XPOT: variants seen among roughly 807,000 people sequenced by gnomAD.
XPOT encodes exportin for tRNA.
Under a neutral mutation model 128.2 loss-of-function variants are expected in XPOT, and 34 were observed. That is an observed-to-expected ratio of 0.27 (90% confidence interval 0.20 to 0.35). The LOEUF (loss-of-function observed/expected upper bound fraction) is 0.35, where lower values mean the gene tolerates loss of function less well. Ranked by LOEUF, XPOT falls within the 10% of genes least tolerant of loss-of-function variation. XPOT has a pLI of 1.00. For missense variants in XPOT, 838 were observed against 1,125.3 expected, an observed-to-expected ratio of 0.74 and a Z score of 3.65; for synonymous variants, 348 against 394.3, an observed-to-expected ratio of 0.88 and a Z score of 1.39.
At chr12:64,432,773 A>G (rs1294242241) in intron 18 of XPOT, among the ~76,000 whole-genome samples, 1 of 152,236 alleles carries the variant, frequency 6.6e-6, no homozygotes, top group African/African-American at 2.4e-5. Context: ...CAAAAACAAG[A>G]AAAACCCTAA....
At chr12:64,410,712 A>G (rs1290706937) in intron 2 of XPOT, among the ~76,000 whole-genome samples, 1 of 152,246 alleles carries the variant, frequency 6.6e-6, no homozygotes, top group Non-Finnish European at 1.5e-5. Flanking sequence ...AAATGGTTAC[A>G]TGACAAGAAT....
rs959753127 is a variant in XPOT at position 64,404,762 on chromosome 12, A to C, written c.-117A>C. 7.9e-5 allele frequency: 12 copies of C among 152,272 alleles called. No individual in the cohort carries two copies. The highest frequency in any genetic ancestry group is 2.9e-4 in the African/African-American group (12 of 41,432). The allele number at this position is 152,272 out of a possible 1,614,324, so 9.4% of individuals were successfully genotyped here. A position where few individuals can be genotyped will look rare whatever the true frequency, so the allele number is the denominator to read the frequency against. On this transcript the variant is annotated 5_prime_UTR_variant, in exon 1 of 25. Transcript: ENST00000332707. ...CGCCGCTCCGCTCCGCTGGCTGACC[A>C]TCTGGAGTGCAGGCTGGGAGGCGGG...
chr12:64,419,492 AT>A (rs1222008307), intron 6 of XPOT, among the ~76,000 whole-genome samples: 7 of 151,938 alleles, frequency 4.6e-5, no homozygotes, highest in African/African-American at 1.4e-4. Context: ...TAATTTTTGT[AT>A]TTTTTGTAGA....
At chr12:64,425,484 T>G (rs2040183871) in intron 14 of XPOT, 27 bp downstream of exon 14, 1 of 1,610,606 alleles carries the variant, frequency 6.2e-7, no homozygotes, top group Non-Finnish European at 8.5e-7. Flanking sequence ...TTTGTTACTT[T>G]CCATGGGTTT....
chr12:64,425,503 G>T, intron 14 of XPOT, 46 bp downstream of exon 14: 3 of 1,603,262 alleles, frequency 1.9e-6, no homozygotes, highest in South Asian at 1.1e-5. Context: ...TTCAGCTAAT[G>T]ACTTGATAGT....
At chr12:64,435,428 T>G (rs182996149) in intron 21 of XPOT, among the ~76,000 whole-genome samples, 199 bp from the exon 22 acceptor site, 1,577 of 152,064 alleles carry the variant, frequency 0.01, 22 homozygotes, top group Non-Finnish European at 0.017. Context: ...TATTTTTCTG[T>G]TTTTTTTCTT....
At chr12:64,418,782 AT>A in intron 5 of XPOT, 93 bp from the exon 6 acceptor site, 1 of 1,056,066 alleles carries the variant, frequency 9.5e-7, no homozygotes, top group Non-Finnish European at 1.4e-6. Context: ...CCATGTTGAC[AT>A]TTGATGAAAC....
chr12:64,413,676 A>G (rs1250868422), intron 2 of XPOT, among the ~76,000 whole-genome samples: 1 of 152,254 alleles, frequency 6.6e-6, no homozygotes, highest in Non-Finnish European at 1.5e-5. Flanking sequence ...ATAGGAAACT[A>G]TCACCTAAAT....
Position 64,418,081 on chromosome 12 carries a change from T to C in XPOT, c.236T>C (p.Ile79Thr). The change falls in exon 5 of 25, where the codon ATT becomes ACT. Residue 79 changes from isoleucine (I) to threonine (T), a missense_variant. By Grantham distance (89) the Ile-to-Thr change is moderately conservative (BLOSUM62 -1). Transcript: ENST00000332707. ...SELTTVQQQL[I>T]RETLISWLQA... Reference sequence around the variant, plus strand: ...CTAACCACTGTTCAACAACAGCTAATTAGGGAGACGCTCATATCATGGCTG... The same window carrying C: ...CTAACCACTGTTCAACAACAGCTAACTAGGGAGACGCTCATATCATGGCTG... 1 of 1,613,616 alleles carries C rather than the reference T, an allele frequency of 6.2e-7. No individual in the cohort carries two copies. Among genetic ancestry groups the C allele is most frequent in the Non-Finnish European group, 8.5e-7 (1 of 1,179,776 alleles).
chr12:64,436,104 C>T (rs1198156082), intron 22 of XPOT, among the ~76,000 whole-genome samples: 2 of 151,872 alleles, frequency 1.3e-5, no homozygotes, highest in Admixed American at 6.6e-5. Flanking sequence ...TTACAGGCAC[C>T]CGCCACCATG....
intron 9 of XPOT, among the ~76,000 whole-genome samples, 172 bp from the exon 10 acceptor site, chr12:64,422,833 T>A (rs2040151498): frequency 6.8e-6 from 1 of 146,400 alleles, no homozygotes; most frequent in Admixed American, 7.0e-5. Flanking sequence ...AGCCAGGGAG[T>A]TGGGGGTTGC....
chr12:64,417,439 T>C (rs779517271), intron 4 of XPOT, among the ~76,000 whole-genome samples: 3 of 149,868 alleles, frequency 2.0e-5, no homozygotes, highest in Non-Finnish European at 4.4e-5. Flanking sequence ...TCCCAGCTAC[T>C]GGGGAAGCTG....
rs920333691 is a variant in XPOT, at chr12:64,424,608, G to A, written c.1192G>A (p.Glu398Lys). ...EYNFENEGEDEAMFVEYRKQL... is the reference protein window; with the variant it reads ...EYNFENEGEDKAMFVEYRKQL... The stretch of plus-strand genomic sequence containing the variant: ...TTAACCTGTATCATAGGGTGAAGAT[G>A]AAGCCATGTTTGTAGAATATAGAAA... Residue 398 changes from glutamate (E) to lysine (K), a missense_variant, in exon 12 of 25, where the codon GAA becomes AAA. Around this residue, in one of 3 missense-constraint regions of XPOT, gnomAD observed 761 missense variants for 988.3 expected, o/e 0.77. Transcript: ENST00000332707. 6.2e-7 allele frequency: 1 copy of A among 1,611,790 alleles called. No individual in the cohort carries two copies.
chr12:64,433,931 G>C (rs1255283389), intron 19 of XPOT, among the ~76,000 whole-genome samples: 1 of 152,114 alleles, frequency 6.6e-6, no homozygotes, highest in Non-Finnish European at 1.5e-5. Flanking sequence ...AAATGGAGCT[G>C]TACAGATTTG....
intron 17 of XPOT, among the ~76,000 whole-genome samples, chr12:64,430,866 C>T (rs2040232749): frequency 1.3e-5 from 2 of 152,298 alleles, no homozygotes; most frequent in South Asian, 4.1e-4. Context: ...TTACCTAGTA[C>T]AGGCCTAGTC....
intron 19 of XPOT, among the ~76,000 whole-genome samples, chr12:64,434,084 C>T (rs575399108): frequency 2.6e-5 from 4 of 152,210 alleles, no homozygotes; most frequent in South Asian, 4.1e-4. Context: ...GGTGTCATCA[C>T]GACTCATTGC....
Position 64,420,492 on chromosome 12 carries a change from C to G in XPOT, c.814C>G (p.Gln272Glu). The G allele has an allele frequency of 6.2e-7, 1 of 1,613,002 alleles. No individual in the cohort carries two copies. The highest frequency in any genetic ancestry group is 8.5e-7 in the Non-Finnish European group (1 of 1,179,622). ...AGTGGAATCTTTGTGTCAAGTATTA[C>G]AGTCTGCTGGGTTTTTCAGCATTGA... ...KLVESLCQVLQSAGFFSIDQE... is the reference protein window; with the variant it reads ...KLVESLCQVLESAGFFSIDQE... The change falls in exon 8 of 25, where the codon CAG (glutamine) becomes GAG (glutamate). Residue 272 changes from glutamine to glutamate, a missense_variant. This residue lies in a region of XPOT where 761 missense variants were observed against 988.3 expected (regional missense o/e 0.77). Transcript: ENST00000332707.
Position 64,423,581 on chromosome 12 carries a change from G to C in XPOT, c.1182+337G>C, listed in dbSNP as rs936374837. Among the ~76,000 whole-genome samples, 14 of 152,050 alleles carry C rather than the reference G, an allele frequency of 9.2e-5. 1 individual carries two copies. The highest frequency in any genetic ancestry group is 1.5e-5 in the Non-Finnish European group (1 of 68,030). ...TGATTCTTGTGCCTCAGCCACCTTA[G>C]TAGCTGGGATTACAGGCATGTGCCA... On this transcript the variant is annotated intron_variant, in intron 11 of 24. Transcript: ENST00000332707.
intron 24 of XPOT, among the ~76,000 whole-genome samples, chr12:64,447,313 G>A (rs1462064332): frequency 1.3e-5 from 2 of 152,154 alleles, no homozygotes; most frequent in African/African-American, 4.8e-5. Context: ...GACCTGCCAT[G>A]GATGGCAGCA....
Sources: gnomAD v4.1 joint callset for allele counts (sites outside exome capture counted in the v4.1 genomes callset) on GRCh38, gnomAD v4.1.1 for gene constraint, gnomAD v4.1.1 regional missense constraint, MANE v1.5 for transcripts, NCBI Gene and HGNC (gene_info 2026-07-23, HGNC 2026-07-21) for gene names.